The following FUT9 variants were observed in gnomAD, a reference collection of about 807,000 sequenced individuals.
FUT9 encodes the protein fucosyltransferase 9.
Under a neutral mutation model 29.7 loss-of-function variants are expected in FUT9, and 15 were observed. That is an observed-to-expected ratio of 0.51 (90% CI 0.34 to 0.78). The LOEUF is 0.78. Among genes scored for constraint, FUT9 ranks in the 30% least tolerant of loss-of-function variants. The pLI, the probability that FUT9 is intolerant of heterozygous loss-of-function variation, is 0.01. For missense variants in FUT9, 319 were observed against 425.4 expected, an observed-to-expected ratio of 0.75 and a Z score of 2.20; for synonymous variants, 169 against 153.7, an observed-to-expected ratio of 1.10 and a Z score of -0.74.
At chr6:96,169,378 A>G (rs140316327) in intron 2 of FUT9, among the ~76,000 whole-genome samples, 284 of 152,364 alleles carry the variant, frequency 1.9e-3, no homozygotes, top group African/African-American at 6.5e-3. Context: ...TCTTGCAAAT[A>G]AAGAACTCAG....
chr6:96,204,293 G>C lies in FUT9; in HGVS notation c.*58G>C, dbSNP rs765403829. 1.3e-5 allele frequency: 16 copies of C among 1,244,750 alleles called. No individual in the cohort carries two copies. The highest frequency in any genetic ancestry group is 1.7e-5 in the Non-Finnish European group (16 of 930,684). The allele number at this position is 1,244,750 out of a possible 1,614,324, so 77.1% of individuals were successfully genotyped here. On this transcript the variant is annotated 3_prime_UTR_variant, in exon 3 of 3. Coordinates refer to ENST00000302103, the MANE Select transcript of FUT9 (RefSeq NM_006581.4). ...TTTGATGAGATATCATCCAAGTATT[G>C]AGGATAAGAAGAGATGCAACATACT...
At chr6:96,193,136 G>A (rs1163545171) in intron 2 of FUT9, among the ~76,000 whole-genome samples, 4 of 145,582 alleles carry the variant, frequency 2.7e-5, no homozygotes, top group Non-Finnish European at 6.1e-5. Flanking sequence ...TCAGGACATA[G>A]GCATGGGCAA....
At chr6:96,115,083 A>T (rs1771885042) in intron 2 of FUT9, among the ~76,000 whole-genome samples, 1 of 152,192 alleles carries the variant, frequency 6.6e-6, no homozygotes, top group Non-Finnish European at 1.5e-5. Context: ...GGTTATTAAC[A>T]TCCCTGTTTC....
At chr6:96,033,487 T>C (rs1469957919) in intron 1 of FUT9, among the ~76,000 whole-genome samples, 1 of 151,590 alleles carries the variant, frequency 6.6e-6, no homozygotes, top group Non-Finnish European at 1.5e-5. Context: ...CCACATTCAA[T>C]TGAAACAGCA....
At chr6:96,093,953 T>G (rs1771455093) in intron 1 of FUT9, among the ~76,000 whole-genome samples, 1 of 152,132 alleles carries the variant, frequency 6.6e-6, no homozygotes, top group Admixed American at 6.6e-5. Context: ...TTTGGTGCAT[T>G]GCGAGCCAAG....
At chr6:96,046,222 C>CACACAA (rs1770561658) in intron 1 of FUT9, among the ~76,000 whole-genome samples, 1 of 13,174 alleles carries the variant, frequency 7.6e-5, no homozygotes, top group Non-Finnish European at 1.3e-4. Context: ...CACAGATATG[C>CACACAA]ACACACACAC....
Position 96,203,880 on chromosome 6 carries a change from T to G in FUT9, c.725T>G (p.Leu242Arg). 6.2e-7 allele frequency: 1 copy of G among 1,612,388 alleles called. No homozygotes were observed. Among genetic ancestry groups the G allele is most frequent in the South Asian group, 1.1e-5 (1 of 91,028 alleles). ...ACCATATCTACTTGTAAATTTTATCTTTCCTTTGAAAATTCAATCCACAAG... is the reference window on the plus strand; with the variant it reads ...ACCATATCTACTTGTAAATTTTATCGTTCCTTTGAAAATTCAATCCACAAG... ...IPTISTCKFY[L>R]SFENSIHKDY... Residue 242 changes from leucine to arginine, a missense_variant, in exon 3 of 3, where the codon CTT becomes CGT. By Grantham distance (102) the Leu-to-Arg change is moderately radical. Coordinates refer to ENST00000302103, the MANE Select transcript of FUT9 (RefSeq NM_006581.4).
intron 2 of FUT9, among the ~76,000 whole-genome samples, chr6:96,196,447 C>T (rs1223305829): frequency 1.3e-5 from 2 of 152,126 alleles, no homozygotes; most frequent in African/African-American, 4.8e-5. Context: ...GGCGCAGTGG[C>T]TCACGCCTGT....
At chr6:96,051,924 C>G (rs1770677939) in intron 1 of FUT9, among the ~76,000 whole-genome samples, 1 of 152,064 alleles carries the variant, frequency 6.6e-6, no homozygotes, top group South Asian at 2.1e-4. Context: ...TGCTGGTTTT[C>G]CACAATCTTT....
intron 2 of FUT9, among the ~76,000 whole-genome samples, chr6:96,115,605 T>G (rs1771895736): frequency 6.6e-6 from 1 of 152,242 alleles, no homozygotes. Context: ...AGCTGTCTCA[T>G]GTGGCTGGTA....
At chr6:96,097,656 A>G (rs1469704095) in intron 1 of FUT9, among the ~76,000 whole-genome samples, 2 of 152,166 alleles carry the variant, frequency 1.3e-5, no homozygotes, top group Non-Finnish European at 2.9e-5. Flanking sequence ...AATCTTTGAT[A>G]TAGGACATAG....
At chr6:96,130,158 T>C (rs1282673200) in intron 2 of FUT9, among the ~76,000 whole-genome samples, 1 of 152,070 alleles carries the variant, frequency 6.6e-6, no homozygotes, top group East Asian at 1.9e-4. Context: ...TACTTTTTAC[T>C]TGACAAGTAA....
chr6:96,160,632 A>G (rs533088348), intron 2 of FUT9, among the ~76,000 whole-genome samples: 1 of 152,310 alleles, frequency 6.6e-6, no homozygotes, highest in Admixed American at 6.5e-5. Context: ...TAAGTCAAAA[A>G]ATGTGGAAAA....
rs1264900873 is a variant in FUT9 at position 96,164,257 on chromosome 6, T to C, written c.-8-38891T>C. On this transcript the variant is annotated intron_variant, in intron 2 of 2. Transcript: ENST00000302103. ...ACAGTTTTGGAGATCCAGGTTCTTT[T>C]TTTTTTTTTTTTTTTTTGAGACGGA... Among the ~76,000 whole-genome samples, 761 of 141,348 alleles carry C rather than the reference T, an allele frequency of 5.4e-3. 13 individuals carry two copies. The highest frequency in any genetic ancestry group is 0.02 in the African/African-American group (732 of 36,486). The allele number at this position is 141,348 out of a possible 152,430, so 92.7% of individuals were successfully genotyped here.
At chr6:96,113,853 CAAAAA>C (rs11316093) in intron 1 of FUT9, among the ~76,000 whole-genome samples, 181 bp from the exon 2 acceptor site, 1 of 124,750 alleles carries the variant, frequency 8.0e-6, no homozygotes, top group Non-Finnish European at 1.7e-5. Flanking sequence ...GACTCCATCT[CAAAAA>C]AAAAAAAAAA....
intron 2 of FUT9, among the ~76,000 whole-genome samples, chr6:96,169,245 A>G (rs1166554846): frequency 6.6e-6 from 1 of 152,234 alleles, no homozygotes; most frequent in East Asian, 1.9e-4. Flanking sequence ...GCTGATATTA[A>G]TTCTAACTTC....
At position 96,205,992 on chromosome 6, in the gene FUT9, C is replaced by T. The variant is rs918360465; in HGVS notation, c.*1757C>T. On this transcript the variant is annotated 3_prime_UTR_variant, in exon 3 of 3. Transcript: ENST00000302103. ...TGCAGTGTCAGGCACTGCCTTAACA[C>T]CCACAGAGATAAGATGAACAAGGTA... 2 of 166,958 alleles carry T rather than the reference C, an allele frequency of 1.2e-5. No individual in the cohort carries two copies. The highest frequency in any genetic ancestry group is 1.9e-4 in the East Asian group (1 of 5,188). 10.3% of individuals were successfully genotyped at this position (166,958 alleles called of 1,614,324 possible).
intron 1 of FUT9, among the ~76,000 whole-genome samples, chr6:96,097,443 T>C (rs1771519572): frequency 6.6e-6 from 1 of 151,988 alleles, no homozygotes; most frequent in Non-Finnish European, 1.5e-5. Flanking sequence ...ATTAAATATG[T>C]ACCTGAAAAG....
chr6:96,144,175 C>T (rs1273873416), intron 2 of FUT9, among the ~76,000 whole-genome samples: 1 of 152,000 alleles, frequency 6.6e-6, no homozygotes, highest in Non-Finnish European at 1.5e-5. Context: ...TCATCTGTGA[C>T]TCCTGCTTTT....
Sources: allele counts gnomAD v4.1 joint callset (sites outside exome capture counted in the v4.1 genomes callset), GRCh38; gene constraint gnomAD v4.1.1; transcripts MANE v1.5; gene names NCBI Gene and HGNC (gene_info 2026-07-23, HGNC 2026-07-21).